Variants in KAZN observed in about 807,000 individuals in gnomAD.
KAZN encodes the protein kazrin, periplakin interacting protein.
KAZN carries 40 observed loss-of-function variants against 87.4 expected under a neutral mutation model. The observed-to-expected ratio is 0.46, with a 90% CI of 0.36 to 0.60. KAZN has a LOEUF of 0.60. KAZN is among the 20% of genes least tolerant of loss of function. KAZN has a pLI of 0.00. For missense variants in KAZN, 898 were observed against 1,073.9 expected (o/e 0.84, Z 2.29); for synonymous variants, 466 against 458.3 (o/e 1.02, Z -0.22).
intron 1 of KAZN, among the ~76,000 whole-genome samples, chr1:14,958,828 A>G (rs12403753): frequency 8.7e-4 from 133 of 152,184 alleles, no homozygotes; most frequent in Admixed American, 2.4e-3. Context: ...AGGGAAGGGG[A>G]AGGCAGTGTG....
chr1:14,265,184 G>A (rs928686523), intron 2 of KAZN, among the ~76,000 whole-genome samples: 2 of 152,060 alleles, frequency 1.3e-5, no homozygotes, highest in Non-Finnish European at 2.9e-5. Context: ...TCTAAATAAC[G>A]ACATTCCACA....
chr1:14,292,281 C>T (rs936865220), intron 2 of KAZN, among the ~76,000 whole-genome samples: 3 of 152,210 alleles, frequency 2.0e-5, no homozygotes, highest in East Asian at 1.9e-4. Flanking sequence ...CTGATCAGCT[C>T]AGCTGTTTTC....
intron 2 of KAZN, among the ~76,000 whole-genome samples, chr1:14,288,266 CTT>C (rs2100737640): frequency 6.6e-6 from 1 of 152,290 alleles, no homozygotes; most frequent in South Asian, 2.1e-4. Context: ...ACCAGCTCCT[CTT>C]TGTATCTCTG....
At chr1:14,113,369 C>T (rs1035354478) in intron 1 of KAZN, among the ~76,000 whole-genome samples, 3 of 152,212 alleles carry the variant, frequency 2.0e-5, no homozygotes, top group Non-Finnish European at 2.9e-5. Context: ...CGTCACACCA[C>T]ATTCTCAGCT....
chr1:14,811,585 T>C (rs1351883521), intron 1 of KAZN, among the ~76,000 whole-genome samples: 1 of 152,220 alleles, frequency 6.6e-6, no homozygotes, highest in Non-Finnish European at 1.5e-5. Flanking sequence ...TTTTGCACAT[T>C]GTTTCATTTA....
At chr1:14,890,194 A>G (rs1654548308) in intron 1 of KAZN, among the ~76,000 whole-genome samples, 1 of 152,230 alleles carries the variant, frequency 6.6e-6, no homozygotes, top group Non-Finnish European at 1.5e-5. Context: ...AAGCAAGTCA[A>G]GCCTGGTCAG....
At chr1:14,721,083 G>A (rs980411419) in intron 1 of KAZN, among the ~76,000 whole-genome samples, 1 of 152,210 alleles carries the variant, frequency 6.6e-6, no homozygotes, top group African/African-American at 2.4e-5. Flanking sequence ...CCTGAGCGGT[G>A]GTATTGATGC....
chr1:14,210,854 C>T (rs1028558679), intron 2 of KAZN, among the ~76,000 whole-genome samples: 21 of 152,220 alleles, frequency 1.4e-4, no homozygotes, highest in East Asian at 5.8e-4. Flanking sequence ...ATAAGAGACA[C>T]GTAGAATCTT....
intron 1 of KAZN, among the ~76,000 whole-genome samples, chr1:14,091,311 A>G (rs1262485388): frequency 6.6e-6 from 1 of 152,146 alleles, no homozygotes; most frequent in East Asian, 1.9e-4. Context: ...ACTCTCAGGC[A>G]GTGAGCTGAA....
At chr1:14,631,242 G>T (rs1352742397) in intron 1 of KAZN, among the ~76,000 whole-genome samples, 1 of 152,214 alleles carries the variant, frequency 6.6e-6, no homozygotes, top group Non-Finnish European at 1.5e-5. Flanking sequence ...GGGCGGAGCT[G>T]CCACGGCCAT....
At chr1:15,035,142 G>A (rs1358616300) in intron 3 of KAZN, among the ~76,000 whole-genome samples, 1 of 152,106 alleles carries the variant, frequency 6.6e-6, no homozygotes, top group Non-Finnish European at 1.5e-5. Flanking sequence ...TTGTGTGTGT[G>A]CCCTCGCAGG....
rs146512901 is a variant in KAZN at position 14,807,540 on chromosome 1, G to A, written c.227-153144G>A. Reference sequence around the variant, plus strand: ...TCCCAGCCCTTTGGGAGGCCAAAGCGGGAGGATCACTTGAGCCCAGGAATT... The same window carrying A: ...TCCCAGCCCTTTGGGAGGCCAAAGCAGGAGGATCACTTGAGCCCAGGAATT... On this transcript the variant is annotated intron_variant, in intron 1 of 14. Transcript: ENST00000376030. Among the ~76,000 whole-genome samples the A allele has an allele frequency of 9.9e-5, 15 of 152,258 alleles. No individual in the cohort carries two copies. In the Middle Eastern group the frequency reaches 0.01, roughly 104 times the overall value.
At chr1:14,805,487 G>T (rs138341247) in intron 1 of KAZN, among the ~76,000 whole-genome samples, 2 of 152,100 alleles carry the variant, frequency 1.3e-5, no homozygotes, top group Admixed American at 6.5e-5. Context: ...GGCCGGGTGC[G>T]GTGTCTCACA....
At chr1:14,355,311 C>T (rs1210010432) in intron 2 of KAZN, among the ~76,000 whole-genome samples, 1 of 152,026 alleles carries the variant, frequency 6.6e-6, no homozygotes, top group African/African-American at 2.4e-5. Context: ...ATGCATTTTA[C>T]TATATGCAAT....
At chr1:13,988,846 A>G (rs1029132213) in intron 1 of KAZN, among the ~76,000 whole-genome samples, 6 of 152,350 alleles carry the variant, frequency 3.9e-5, no homozygotes, top group Non-Finnish European at 5.9e-5. Context: ...CCTAAAAAAT[A>G]CACTTGTGAA....
chr1:14,845,296 GAT>G (rs1465839741), intron 1 of KAZN, among the ~76,000 whole-genome samples: 6 of 150,332 alleles, frequency 4.0e-5, no homozygotes, highest in African/African-American at 1.5e-4. Context: ...GGGGTGGATG[GAT>G]AGATGGATGA....
At chr1:14,140,147 C>T (rs1434554189) in intron 1 of KAZN, among the ~76,000 whole-genome samples, 1 of 152,004 alleles carries the variant, frequency 6.6e-6, no homozygotes. Flanking sequence ...ACAGGGTAGT[C>T]CTTAAAGGGA....
chr1:14,325,006 C>T (rs2100850885), intron 2 of KAZN, among the ~76,000 whole-genome samples: 1 of 152,282 alleles, frequency 6.6e-6, no homozygotes, highest in Admixed American at 6.5e-5. Flanking sequence ...CGGTCTTTAT[C>T]AAGTAACTTC....
At chr1:14,007,831 T>A (rs1640102463) in intron 1 of KAZN, among the ~76,000 whole-genome samples, 1 of 152,196 alleles carries the variant, frequency 6.6e-6, no homozygotes, top group Non-Finnish European at 1.5e-5. Context: ...TAATGATTTT[T>A]AACTCTAAGT....
Sources: allele counts gnomAD v4.1 joint callset (sites outside exome capture counted in the v4.1 genomes callset), GRCh38; gene constraint gnomAD v4.1.1; transcripts MANE v1.5; gene names NCBI Gene and HGNC (gene_info 2026-07-23, HGNC 2026-07-21).